ADGRL3: variants seen among roughly 807,000 people sequenced by gnomAD.
ADGRL3 encodes the protein adhesion G protein-coupled receptor L3.
ADGRL3 carries 62 observed loss-of-function variants against 153.5 expected under a neutral mutation model. The observed-to-expected ratio is 0.40, with a 90% CI of 0.33 to 0.50. The LOEUF (loss-of-function observed/expected upper bound fraction) is 0.50, where lower values mean the gene tolerates loss of function less well. Ranked by LOEUF, ADGRL3 falls within the 20% of genes least tolerant of loss-of-function variation. ADGRL3 has a pLI of 0.47. For synonymous variants in ADGRL3, 710 were observed against 672.5 expected, an observed-to-expected ratio of 1.06 and a Z score of -0.86; for missense variants, 1,641 against 1,859.4, an observed-to-expected ratio of 0.88 and a Z score of 2.16.
intron 2 of ADGRL3, among the ~76,000 whole-genome samples, chr4:61,480,426 T>C (rs1463079060): frequency 1.3e-5 from 2 of 152,180 alleles, no homozygotes; most frequent in Non-Finnish European, 2.9e-5. Context: ...TATATCAGTT[T>C]GTTAATATTC....
chr4:61,400,463 T>C (rs1350973432), intron 2 of ADGRL3, among the ~76,000 whole-genome samples: 1 of 151,832 alleles, frequency 6.6e-6, no homozygotes, highest in Non-Finnish European at 1.5e-5. Context: ...TAGAAATAAT[T>C]CCTCTGTTAA....
Position 61,898,374 on chromosome 4 carries a change from A to G in ADGRL3, c.1887+2540A>G, listed in dbSNP as rs764560268. ...AAGAAGATTAAGGACACAGACACACACAAGGAGTGAGTTTAGGAGCAGAGT... is the reference window on the plus strand; with the variant it reads ...AAGAAGATTAAGGACACAGACACACGCAAGGAGTGAGTTTAGGAGCAGAGT... On this transcript the variant is annotated intron_variant, in intron 11 of 26. Coordinates refer to ENST00000683033, the MANE Select transcript of ADGRL3 (RefSeq NM_001387552.1). 1.9e-4 allele frequency among the ~76,000 whole-genome samples: 29 copies of G among 152,152 alleles called. 1 individual carries two copies. The highest frequency in any genetic ancestry group is 1.4e-3 in the Admixed American group (22 of 15,274).
Position 61,244,681 on chromosome 4 carries a change from TA to T in ADGRL3, c.-240+42921del, listed in dbSNP as rs200433838. Among the ~76,000 whole-genome samples the T allele has an allele frequency of 6.5e-3, 992 of 151,998 alleles. 11 individuals are homozygous for T. Among genetic ancestry groups the T allele is most frequent in the African/African-American group, 0.02 (821 of 41,496 alleles). On this transcript the variant is annotated intron_variant, in intron 1 of 26. Coordinates refer to ENST00000683033, the MANE Select transcript of ADGRL3 (RefSeq NM_001387552.1). ...AACACACAGATGGAATCAGCCCCCA[TA>T]AAAACACAATCTCTGACTCGATAGA...
chr4:61,201,033 G>A lies in ADGRL3; in HGVS notation c.-972G>A, dbSNP rs1734507759. 6.6e-6 allele frequency among the ~76,000 whole-genome samples: 1 copy of A among 152,164 alleles called. No homozygotes were observed. On this transcript the variant is annotated 5_prime_UTR_variant, in exon 1 of 27. Coordinates refer to ENST00000683033, the MANE Select transcript of ADGRL3 (RefSeq NM_001387552.1). ...GTTGCGGGCTTGAGAGGGGACCCTC[G>A]GCTGGGAGAGAGCCTCGGGAGGACG...
At chr4:61,888,482 G>A (rs997679693) in intron 9 of ADGRL3, among the ~76,000 whole-genome samples, 3 of 152,088 alleles carry the variant, frequency 2.0e-5, no homozygotes, top group African/African-American at 7.2e-5. Flanking sequence ...CTTGTATTTA[G>A]CAATAAGATG....
intron 2 of ADGRL3, among the ~76,000 whole-genome samples, chr4:61,470,011 T>A (rs2097926729): frequency 6.6e-6 from 1 of 152,014 alleles, no homozygotes; most frequent in African/African-American, 2.4e-5. Context: ...TTATTTATCA[T>A]TATAGATTTT....
chr4:61,562,881 G>C (rs2098800882), intron 4 of ADGRL3, among the ~76,000 whole-genome samples: 1 of 147,732 alleles, frequency 6.8e-6, no homozygotes, highest in Non-Finnish European at 1.5e-5. Context: ...GCAGTTCACA[G>C]CTGCAATGAG....
At chr4:61,979,228 T>C (rs571605844) in intron 17 of ADGRL3, among the ~76,000 whole-genome samples, 4 of 152,196 alleles carry the variant, frequency 2.6e-5, no homozygotes, top group Admixed American at 6.5e-5. Context: ...AAAAGTGATA[T>C]AAATTTAAAA....
At chr4:61,370,929 A>G (rs889483825) in intron 1 of ADGRL3, among the ~76,000 whole-genome samples, 4 of 150,078 alleles carry the variant, frequency 2.7e-5, no homozygotes, top group African/African-American at 7.3e-5. Flanking sequence ...TTGGGTGCAT[A>G]TATATTTAGG....
At chr4:61,521,358 G>C (rs1460892784) in intron 4 of ADGRL3, among the ~76,000 whole-genome samples, 1 of 152,158 alleles carries the variant, frequency 6.6e-6, no homozygotes, top group Non-Finnish European at 1.5e-5. Flanking sequence ...CTAGATATCA[G>C]TCTAGTAATG....
chr4:61,323,088 T>G (rs2095395226), intron 1 of ADGRL3, among the ~76,000 whole-genome samples: 1 of 152,206 alleles, frequency 6.6e-6, no homozygotes, highest in Admixed American at 6.5e-5. Flanking sequence ...TAACACCACA[T>G]GGAAGCTGCC....
intron 25 of ADGRL3, among the ~76,000 whole-genome samples, chr4:62,060,320 GT>G (rs1178483653): frequency 6.6e-6 from 1 of 151,878 alleles, no homozygotes; most frequent in Non-Finnish European, 1.5e-5. Context: ...CTTATTATTT[GT>G]TTTCCAATTA....
intron 5 of ADGRL3, among the ~76,000 whole-genome samples, chr4:61,628,542 C>T (rs1324278086): frequency 6.6e-6 from 1 of 152,164 alleles, no homozygotes; most frequent in Non-Finnish European, 1.5e-5. Flanking sequence ...TTACTAATGA[C>T]AAGTTTAATT....
At chr4:61,217,654 G>C (rs1433396638) in intron 1 of ADGRL3, among the ~76,000 whole-genome samples, 1 of 152,176 alleles carries the variant, frequency 6.6e-6, no homozygotes, top group Non-Finnish European at 1.5e-5. Flanking sequence ...GATTTGAGTT[G>C]AGCAGGAATA....
At chr4:61,932,487 T>C (rs1688685964) in intron 13 of ADGRL3, among the ~76,000 whole-genome samples, 1 of 152,180 alleles carries the variant, frequency 6.6e-6, no homozygotes, top group African/African-American at 2.4e-5. Flanking sequence ...TGTTGATTTT[T>C]GTATGTTGAA....
chr4:61,786,354 G>C (rs1397761855), intron 8 of ADGRL3, among the ~76,000 whole-genome samples: 1 of 152,142 alleles, frequency 6.6e-6, no homozygotes, highest in Middle Eastern at 3.2e-3. Flanking sequence ...TTTGAGTGAG[G>C]TTATTTGGCA....
intron 2 of ADGRL3, among the ~76,000 whole-genome samples, chr4:61,426,271 G>T (rs1188978999): frequency 6.6e-6 from 1 of 152,184 alleles, no homozygotes; most frequent in African/African-American, 2.4e-5. Context: ...GATTGCCATA[G>T]GTGTCTCCTT....
intron 6 of ADGRL3, among the ~76,000 whole-genome samples, chr4:61,704,180 A>G (rs1054780688): frequency 3.9e-5 from 6 of 152,166 alleles, no homozygotes; most frequent in Non-Finnish European, 8.8e-5. Context: ...AACACATCCA[A>G]GATTGATTGA....
chr4:61,771,543 C>T (rs2097086544), intron 8 of ADGRL3, among the ~76,000 whole-genome samples: 2 of 152,132 alleles, frequency 1.3e-5, no homozygotes, highest in African/African-American at 4.8e-5. Context: ...CCCCTTTTGT[C>T]CCCTAATTAC....
Sources: gnomAD v4.1 joint callset for allele counts (sites outside exome capture counted in the v4.1 genomes callset) on GRCh38, gnomAD v4.1.1 for gene constraint, MANE v1.5 for transcripts, NCBI Gene and HGNC (gene_info 2026-07-23, HGNC 2026-07-21) for gene names.